The following CCDC40 variants were observed in gnomAD, a reference collection of about 807,000 sequenced individuals.
CCDC40 encodes coiled-coil domain 40 molecular ruler complex subunit.
CCDC40 carries 104 observed loss-of-function variants against 124.5 expected under a neutral mutation model. The ratio of observed to expected loss-of-function variants is 0.84; its 90% CI spans 0.71 to 0.98. The LOEUF (loss-of-function observed/expected upper bound fraction) is 0.98, where lower values mean the gene tolerates loss of function less well. Among genes scored for constraint, CCDC40 ranks in the 50% least tolerant of loss-of-function variants. CCDC40 has a pLI of 0.00. For missense variants in CCDC40, 1,463 were observed against 1,503.9 expected (o/e 0.97, Z 0.45); for synonymous variants, 580 against 602.9 (o/e 0.96, Z 0.56).
chr17:80,059,407 C>T (rs965958784), intron 9 of CCDC40, among the ~76,000 whole-genome samples: 1 of 149,898 alleles, frequency 6.7e-6, no homozygotes, highest in African/African-American at 2.5e-5. Context: ...GTGGAGGGAA[C>T]GAAGGGGGTG....
At position 80,086,617 on chromosome 17, in the gene CCDC40, C is replaced by T. The variant is rs1218980070; in HGVS notation, c.2449+401C>T. On this transcript the variant is annotated intron_variant, in intron 14 of 19. Coordinates refer to ENST00000397545, the MANE Select transcript of CCDC40 (RefSeq NM_017950.4). The surrounding 1 kb of genome is among the most constrained non-coding windows in gnomAD (Gnocchi z 5.5). ...CTCCAGTTGGGCTTAGAAAACCATT[C>T]CACCGGGGCTCCCCAACCCTTCTGA... The T allele has an allele frequency of 1.1e-5, 3 of 275,428 alleles. No individual in the cohort carries two copies. Among genetic ancestry groups the T allele is most frequent in the African/African-American group, 6.7e-5 (3 of 44,568 alleles). 17.1% of individuals were successfully genotyped at this position (275,428 alleles called of 1,614,324 possible).
In CCDC40 at chr17:80,086,099, C is replaced by T. The variant is rs202075842; in HGVS notation, c.2332C>T (p.Leu778=). 3.0e-4 allele frequency: 485 copies of T among 1,614,154 alleles called. 1 individual carries two copies. Among genetic ancestry groups the T allele is most frequent in the Non-Finnish European group, 3.8e-4 (453 of 1,180,010 alleles). Residue 778 remains leucine (L), a synonymous_variant, in exon 14 of 20, where the codon CTG becomes TTG. Transcript: ENST00000397545. The surrounding 1 kb of genome is among the most constrained non-coding windows in gnomAD (Gnocchi z 5.5). ...GKAVQAQVTW[L]RLQQEMVKVT... ...GGCGGTCCAGGCCCAGGTGACCTGG[C>T]TGCGCCTGCAGCAGGAGATGGTCAA...
Position 80,047,357 on chromosome 17 carries a change from G to A in CCDC40, c.631G>A (p.Asp211Asn), listed in dbSNP as rs150615436. ...CCGCTTCCGGCTGAGCCACGGGAGCGACATCGAGTCCTCAGACCTGGAGGA... is the reference window on the plus strand; with the variant it reads ...CCGCTTCCGGCTGAGCCACGGGAGCAACATCGAGTCCTCAGACCTGGAGGA... ...QHRFRLSHGS[D>N]IESSDLEEFV... The change falls in exon 4 of 20, where the codon GAC becomes AAC. Residue 211 changes from aspartate (D) to asparagine (N), a missense_variant. Asp to Asn is a conservative substitution (Grantham distance 23, BLOSUM62 1). Transcript: ENST00000397545. 1,434 of 1,613,708 alleles carry A rather than the reference G, an allele frequency of 8.9e-4. 13 individuals are homozygous for A. In the African/African-American group the frequency reaches 0.013, roughly 15 times the overall value.
chr17:80,063,904 A>G (rs1468826262), intron 9 of CCDC40, among the ~76,000 whole-genome samples: 1 of 152,186 alleles, frequency 6.6e-6, no homozygotes, highest in Non-Finnish European at 1.5e-5. Context: ...TGATACGCTA[A>G]TTACCTTGAT....
intron 9 of CCDC40, 21 bp downstream of exon 9, chr17:80,059,001 T>G (rs1290864973): frequency 2.5e-6 from 4 of 1,614,024 alleles, no homozygotes; most frequent in Non-Finnish European, 3.4e-6. Context: ...TCCCCGCAGC[T>G]CTCAGTGTTC....
At chr17:80,056,984 T>A (rs2037764069) in intron 7 of CCDC40, among the ~76,000 whole-genome samples, 2 of 134,604 alleles carry the variant, frequency 1.5e-5, no homozygotes, top group African/African-American at 5.8e-5. Flanking sequence ...GAGCTTGCAG[T>A]GAGCCGAGAT....
intron 7 of CCDC40, among the ~76,000 whole-genome samples, chr17:80,050,942 G>A (rs1451904040): frequency 2.0e-5 from 3 of 152,192 alleles, no homozygotes; most frequent in Admixed American, 6.5e-5. Context: ...CCGGCACGAC[G>A]GTCAGACCAT....
rs1393026871 is a variant in CCDC40, at chr17:80,100,205, C to A, written c.*430C>A. The A allele has an allele frequency of 1.8e-5, 5 of 271,362 alleles. No individual in the cohort carries two copies. The highest frequency in any genetic ancestry group is 1.5e-4 in the Admixed American group (3 of 19,786). The allele number at this position is 271,362 out of a possible 1,614,324, so 16.8% of individuals were successfully genotyped here. A position where few individuals can be genotyped will look rare whatever the true frequency, so the allele number is the denominator to read the frequency against. On this transcript the variant is annotated 3_prime_UTR_variant, in exon 20 of 20. Coordinates refer to ENST00000397545, the MANE Select transcript of CCDC40 (RefSeq NM_017950.4). ...AGCCTGGCCCGGGAGGCTGGTCCCC[C>A]CAGCACTTCCCTCTACTAGGTGCAT...
chr17:80,084,722 T>C (rs779906319), intron 12 of CCDC40, 21 bp from the exon 13 acceptor site: 2 of 1,613,274 alleles, frequency 1.2e-6, no homozygotes, highest in Non-Finnish European at 1.7e-6. Flanking sequence ...TATTCACAGG[T>C]ATTTCTTTTC....
chr17:80,058,090 T>A lies in CCDC40; in HGVS notation c.1160-404T>A, dbSNP rs910736824. Among the ~76,000 whole-genome samples, 2 of 152,090 alleles carry A rather than the reference T, an allele frequency of 1.3e-5. No homozygotes were observed. Among genetic ancestry groups the A allele is most frequent in the African/African-American group, 4.8e-5 (2 of 41,414 alleles). On this transcript the variant is annotated intron_variant, in intron 7 of 19. Coordinates refer to ENST00000397545, the MANE Select transcript of CCDC40 (RefSeq NM_017950.4). This position sits in a 1 kb window ranked among gnomAD's most constrained non-coding sequence, Gnocchi z 4.2. ...TGTGGAGCTCAGCCTGCCCTGGATG[T>A]TCTCGTCTCCTCCCAGGGGACTTAA... is the stretch of plus-strand genomic sequence containing the variant.
intron 10 of CCDC40, among the ~76,000 whole-genome samples, chr17:80,078,549 T>C (rs1434993920): frequency 1.3e-5 from 2 of 152,156 alleles, no homozygotes; most frequent in Admixed American, 6.6e-5. Flanking sequence ...CCTTTCCGTA[T>C]TGAAATCCTG....
At chr17:80,057,824 C>A (rs1253479376) in intron 7 of CCDC40, among the ~76,000 whole-genome samples, 2 of 151,054 alleles carry the variant, frequency 1.3e-5, no homozygotes, top group Non-Finnish European at 2.9e-5. Flanking sequence ...TGCAGTGAGT[C>A]GAGATCGCGC....
rs977416538 is a variant in CCDC40, at chr17:80,095,350, C to T, written c.2920C>T (p.Gln974Ter). 5.0e-6 allele frequency: 8 copies of T among 1,614,012 alleles called. No homozygotes were observed. Among genetic ancestry groups the T allele is most frequent in the Admixed American group, 1.7e-5 (1 of 60,018 alleles). ...TGCCCGCAGAGAGACCGTCACCACCCAGGCCGAGGGGCAGCGCAAGATGGA... is the reference window on the plus strand; with the variant it reads ...TGCCCGCAGAGAGACCGTCACCACCTAGGCCGAGGGGCAGCGCAAGATGGA... ...AVARRETVTT[Q>*]AEGQRKMDRK... The change falls in exon 18 of 20, where the codon CAG becomes TAG. Residue 974 changes from glutamine to a stop codon, truncating the protein, a stop_gained. Coordinates refer to ENST00000397545, the MANE Select transcript of CCDC40 (RefSeq NM_017950.4). LOFTEE classifies it high-confidence loss of function.
Position 80,099,772 on chromosome 17 carries a change from C to G in CCDC40, c.3426C>G (p.Ser1142=). Residue 1142 remains serine (S), a synonymous_variant, in exon 20 of 20, where the codon TCC becomes TCG. Transcript: ENST00000397545. ...IANKLESPGP[S] ...ACAAGCTCGAGTCACCAGGGCCCTCCTAGGGAGCAGCCTGGACTCCGCCTT... is the reference window on the plus strand; with the variant it reads ...ACAAGCTCGAGTCACCAGGGCCCTCGTAGGGAGCAGCCTGGACTCCGCCTT... The G allele has an allele frequency of 1.2e-6, 2 of 1,612,646 alleles. No individual in the cohort carries two copies. Among genetic ancestry groups the G allele is most frequent in the Non-Finnish European group, 1.7e-6 (2 of 1,179,732 alleles).
In CCDC40 at chr17:80,084,923, G is replaced by A. The variant is rs780935628; in HGVS notation, c.2170G>A (p.Glu724Lys). ...GATCTCCCGGCGCACGATCCTGATC[G>A]AGAGGAAGCAAGGGCTCATCAACTT... ...SEISRRTILI[E>K]RKQGLINFLN... Residue 724 changes from glutamate to lysine, a missense_variant, in exon 13 of 20, where the codon GAG (glutamate) becomes AAG (lysine). Coordinates refer to ENST00000397545, the MANE Select transcript of CCDC40 (RefSeq NM_017950.4). The A allele has an allele frequency of 2.0e-5, 33 of 1,613,916 alleles. No homozygotes were observed. Among genetic ancestry groups the A allele is most frequent in the Admixed American group, 6.7e-5 (4 of 59,992 alleles).
At chr17:80,096,346 T>G (rs1000418951) in intron 18 of CCDC40, among the ~76,000 whole-genome samples, 1 of 152,154 alleles carries the variant, frequency 6.6e-6, no homozygotes, top group Non-Finnish European at 1.5e-5. Context: ...AGTGCTGAAG[T>G]CATCCCTGTA....
intron 13 of CCDC40, among the ~76,000 whole-genome samples, 175 bp from the exon 14 acceptor site, chr17:80,085,828 C>T (rs748517898): frequency 3.9e-5 from 6 of 152,048 alleles, no homozygotes; most frequent in East Asian, 3.9e-4. Flanking sequence ...CACCAGCACA[C>T]CTGGCTAATT....
chr17:80,068,445 T>G (rs1419720921), intron 10 of CCDC40, among the ~76,000 whole-genome samples: 1 of 152,176 alleles, frequency 6.6e-6, no homozygotes, highest in Non-Finnish European at 1.5e-5. Flanking sequence ...GAGACAGGTT[T>G]AATAGATCAG....
intron 10 of CCDC40, among the ~76,000 whole-genome samples, chr17:80,078,155 C>T (rs2038355026): frequency 6.6e-6 from 1 of 151,848 alleles, no homozygotes; most frequent in East Asian, 1.9e-4. Context: ...CACGGTGAAA[C>T]CCCATCTCTA....
Sources: allele counts gnomAD v4.1 joint callset (sites outside exome capture counted in the v4.1 genomes callset), GRCh38; gene constraint gnomAD v4.1.1; non-coding constraint Gnocchi (gnomAD v3.1); transcripts MANE v1.5; gene names NCBI Gene and HGNC (gene_info 2026-07-23, HGNC 2026-07-21).